The following MAFA variants were observed in gnomAD, a reference collection of about 807,000 sequenced individuals.
MAFA encodes transcription factor MafA.
For synonymous variants in MAFA, 244 were observed against 260.3 expected, an observed-to-expected ratio of 0.94 and a Z score of 0.60; for missense variants, 547 against 538.0, an observed-to-expected ratio of 1.02 and a Z score of -0.16.
Position 143,429,429 on chromosome 8 carries a change from C to T in MAFA, c.978G>A (p.Ala326=), listed in dbSNP as rs916598913. Residue 326 remains alanine (A), a synonymous_variant, in exon 1 of 1, where the codon GCG becomes GCA. Coordinates refer to ENST00000333480, the MANE Select transcript of MAFA (RefSeq NM_201589.4). The surrounding 1 kb of genome is among the most constrained non-coding windows in gnomAD (Gnocchi z 5.9). ...KLAGRGGPGS[A]GGAGFPREPS... ...GCTCCCGCGGGAAACCGGCCCCGCC[C>T]GCGCTCCCGGGGCCGCCCCGGCCCG... 6 of 1,544,942 alleles carry T rather than the reference C, an allele frequency of 3.9e-6. No homozygotes were observed. The African/African-American group carries it at 8.5e-5, about 22-fold the overall frequency.
Position 143,430,402 on chromosome 8 carries a change from G to T in MAFA, c.5C>A (p.Ala2Asp). The change falls in exon 1 of 1, where the codon GCC becomes GAC. Residue 2 changes from alanine to aspartate, a missense_variant. By Grantham distance (126) the Ala-to-Asp change is moderately radical. Transcript: ENST00000333480. ...CTCGGCGCCCATCGCCAGCTCCGCG[G>T]CCATCGCCCGGGGCCCGCGCCCGGC... Reference protein sequence around the residue: MAAELAMGAELP... With the variant: MDAELAMGAELP... 1 of 1,322,540 alleles carries T rather than the reference G, an allele frequency of 7.6e-7. No individual in the cohort carries two copies. The highest frequency in any genetic ancestry group is 9.8e-7 in the Non-Finnish European group (1 of 1,021,714). 81.9% of individuals were successfully genotyped at this position (1,322,540 alleles called of 1,614,324 possible).
rs1461139363 is a variant in MAFA at position 143,430,159 on chromosome 8, C to T, written c.248G>A (p.Gly83Asp). Residue 83 changes from glycine to aspartate, a missense_variant, in exon 1 of 1, where the codon GGC becomes GAC. By Grantham distance (94) the Gly-to-Asp change is moderately conservative. Transcript: ENST00000333480. Reference protein sequence around the residue: ...PGTGGGGGAGGGGGSSQAGGA... With the variant: ...PGTGGGGGAGDGGGSSQAGGA... ...CCCGGCCTGAGACGAGCCGCCGCCG[C>T]CCCCCGCGCCGCCGCCGCCGCCGGT... is the stretch of plus-strand genomic sequence containing the variant. 2.7e-6 allele frequency: 3 copies of T among 1,098,192 alleles called. No individual in the cohort carries two copies. In the African/African-American group the frequency reaches 5.3e-5, roughly 20 times the overall value. 68.0% of individuals were successfully genotyped at this position (1,098,192 alleles called of 1,614,324 possible).
In MAFA at chr8:143,429,515, G is replaced by C. The variant is rs1377947685; in HGVS notation, c.892C>G (p.Leu298Val). ...TCTTTGGCCAGGCGCCCCACCTCCA[G>C]CTTCAGCTGCTCCACCTGGCTCTGG... Reference protein sequence around the residue: ...QLQSQVEQLKLEVGRLAKERD... With the variant: ...QLQSQVEQLKVEVGRLAKERD... Residue 298 changes from leucine (L) to valine (V), a missense_variant, in exon 1 of 1, where the codon CTG becomes GTG. Physicochemically the swap from Leu to Val is conservative, Grantham distance 32 (BLOSUM62 1). Transcript: ENST00000333480. The surrounding 1 kb of genome is among the most constrained non-coding windows in gnomAD (Gnocchi z 5.9). 2 of 1,605,544 alleles carry C rather than the reference G, an allele frequency of 1.2e-6. No homozygotes were observed. The highest frequency in any genetic ancestry group is 1.7e-4 in the Middle Eastern group (1 of 6,042).
Position 143,430,259 on chromosome 8 carries a change from G to A in MAFA, c.148C>T (p.Leu50=). 2.1e-6 allele frequency: 3 copies of A among 1,442,722 alleles called. No homozygotes were observed. The highest frequency in any genetic ancestry group is 2.8e-6 in the Non-Finnish European group (3 of 1,084,866). 89.4% of individuals were successfully genotyped at this position (1,442,722 alleles called of 1,614,324 possible). A position where few individuals can be genotyped will look rare whatever the true frequency, so the allele number is the denominator to read the frequency against. The change falls in exon 1 of 1, where the codon CTG becomes TTG. Residue 50 remains leucine, a synonymous_variant. Transcript: ENST00000333480. ...GGCGTGCTGAGCGGCGTCGAGGACAGCGAGCCTGGCGGCAGGCGGTGGCAG... is the reference window on the plus strand; with the variant it reads ...GGCGTGCTGAGCGGCGTCGAGGACAACGAGCCTGGCGGCAGGCGGTGGCAG... The part of the protein sequence containing the change: ...RFCHRLPPGS[L]SSTPLSTPCS...
chr8:143,430,144 G>A lies in MAFA; in HGVS notation c.263C>T (p.Ser88Phe). Residue 88 changes from serine to phenylalanine, a missense_variant, in exon 1 of 1, where the codon TCT becomes TTT. Physicochemically the swap from Ser to Phe is radical, Grantham distance 155. Coordinates refer to ENST00000333480, the MANE Select transcript of MAFA (RefSeq NM_201589.4). ...GGGAGGGGGS[S>F]QAGGAPGPPS... Reference sequence around the variant, plus strand: ...CGGCCCGGGGGCGCCCCCGGCCTGAGACGAGCCGCCGCCGCCCCCCGCGCC... The same window carrying A: ...CGGCCCGGGGGCGCCCCCGGCCTGAAACGAGCCGCCGCCGCCCCCCGCGCC... 1 of 1,095,526 alleles carries A rather than the reference G, an allele frequency of 9.1e-7. No individual in the cohort carries two copies. Among genetic ancestry groups the A allele is most frequent in the Non-Finnish European group, 1.1e-6 (1 of 908,304 alleles). The allele number at this position is 1,095,526 out of a possible 1,614,324, so 67.9% of individuals were successfully genotyped here.
rs780402901 is a variant in MAFA at position 143,430,113 on chromosome 8, G to A, written c.294C>T (p.Ser98=). 3.5e-6 allele frequency: 4 copies of A among 1,127,568 alleles called. No individual in the cohort carries two copies. The East Asian group carries it at 1.5e-4, about 41-fold the overall frequency. 69.8% of individuals were successfully genotyped at this position (1,127,568 alleles called of 1,614,324 possible). The change falls in exon 1 of 1, where the codon AGC becomes AGT. Residue 98 remains serine (S), a synonymous_variant. Transcript: ENST00000333480. ...SQAGGAPGPP[S]GGPGAVGGTS... ...TGCCCCCGACGGCGCCGGGGCCCCCGCTCGGCGGCCCGGGGGCGCCCCCGG... is the reference window on the plus strand; with the variant it reads ...TGCCCCCGACGGCGCCGGGGCCCCCACTCGGCGGCCCGGGGGCGCCCCCGG...
Position 143,429,847 on chromosome 8 carries a change from C to A in MAFA, c.560G>T (p.Gly187Val). 7.1e-7 allele frequency: 1 copy of A among 1,404,104 alleles called. No homozygotes were observed. Among genetic ancestry groups the A allele is most frequent in the Non-Finnish European group, 9.2e-7 (1 of 1,085,714 alleles). The allele number at this position is 1,404,104 out of a possible 1,614,324, so 87.0% of individuals were successfully genotyped here. ...ADDMGAGHHHGAHHAAHHHHA... is the reference protein window; with the variant it reads ...ADDMGAGHHHVAHHAAHHHHA... Reference sequence around the variant, plus strand: ...GTGATGGTGGGCGGCGTGGTGCGCGCCGTGGTGGTGGCCGGCGCCCATGTC... The same window carrying A: ...GTGATGGTGGGCGGCGTGGTGCGCGACGTGGTGGTGGCCGGCGCCCATGTC... The change falls in exon 1 of 1, where the codon GGC becomes GTC. Residue 187 changes from glycine (G) to valine (V), a missense_variant. Physicochemically the swap from Gly to Val is moderately radical, Grantham distance 109 (BLOSUM62 -3). Coordinates refer to ENST00000333480, the MANE Select transcript of MAFA (RefSeq NM_201589.4). This position sits in a 1 kb window ranked among gnomAD's most constrained non-coding sequence, Gnocchi z 5.9.
Position 143,429,960 on chromosome 8 carries a change from G to A in MAFA, c.447C>T (p.Gly149=). ...VEALIGSGHH[G]AHHGAHHPAA... is the part of the protein sequence containing the mutation. The stretch of plus-strand genomic sequence containing the variant: ...CCGGGTGGTGCGCGCCGTGGTGCGC[G>A]CCGTGGTGGCCGCTGCCGATGAGCG... Residue 149 remains glycine, a synonymous_variant, in exon 1 of 1, where the codon GGC becomes GGT. Transcript: ENST00000333480. This position sits in a 1 kb window ranked among gnomAD's most constrained non-coding sequence, Gnocchi z 5.9. The A allele has an allele frequency of 7.8e-7, 1 of 1,284,610 alleles. No homozygotes were observed. Among genetic ancestry groups the A allele is most frequent in the South Asian group, 2.1e-5 (1 of 46,606 alleles). The allele number at this position is 1,284,610 out of a possible 1,614,324, so 79.6% of individuals were successfully genotyped here.
In MAFA at chr8:143,429,980, T is replaced by G; in HGVS notation, c.427A>C (p.Ile143Leu). 1 of 1,312,526 alleles carries G rather than the reference T, an allele frequency of 7.6e-7. No homozygotes were observed. The allele number at this position is 1,312,526 out of a possible 1,614,324, so 81.3% of individuals were successfully genotyped here. A position where few individuals can be genotyped will look rare whatever the true frequency, so the allele number is the denominator to read the frequency against. Residue 143 changes from isoleucine to leucine, a missense_variant, in exon 1 of 1, where the codon ATC (isoleucine) becomes CTC (leucine). Transcript: ENST00000333480. This position sits in a 1 kb window ranked among gnomAD's most constrained non-coding sequence, Gnocchi z 5.9. The part of the protein sequence containing the change: ...LTPEDAVEAL[I>L]GSGHHGAHHG... ...TGCGCGCCGTGGTGGCCGCTGCCGA[T>G]GAGCGCCTCCACCGCGTCCTCGGGC...
Position 143,429,542 on chromosome 8 carries a change from G to C in MAFA, c.865C>G (p.Leu289Val). ...TTCAGCTGCTCCACCTGGCTCTGGA[G>C]TTGGCACTTCTCGCTCTCCAGAATG... ...RHILESEKCQ[L>V]QSQVEQLKLE... The change falls in exon 1 of 1, where the codon CTC becomes GTC. Residue 289 changes from leucine (L) to valine (V), a missense_variant. Coordinates refer to ENST00000333480, the MANE Select transcript of MAFA (RefSeq NM_201589.4). This position sits in a 1 kb window ranked among gnomAD's most constrained non-coding sequence, Gnocchi z 5.9. The C allele has an allele frequency of 6.2e-7, 1 of 1,605,616 alleles. No individual in the cohort carries two copies. Among genetic ancestry groups the C allele is most frequent in the Non-Finnish European group, 8.5e-7 (1 of 1,179,582 alleles).
chr8:143,429,954 G>C lies in MAFA; in HGVS notation c.453C>G (p.His151Gln), dbSNP rs1322582706. Residue 151 changes from histidine to glutamine, a missense_variant, in exon 1 of 1, where the codon CAC becomes CAG. Physicochemically the swap from His to Gln is conservative, Grantham distance 24. Coordinates refer to ENST00000333480, the MANE Select transcript of MAFA (RefSeq NM_201589.4). The surrounding 1 kb of genome is among the most constrained non-coding windows in gnomAD (Gnocchi z 5.9). ...CGGCCGCCGGGTGGTGCGCGCCGTG[G>C]TGCGCGCCGTGGTGGCCGCTGCCGA... ...ALIGSGHHGA[H>Q]HGAHHPAAAA... The C allele has an allele frequency of 8.6e-6, 11 of 1,276,296 alleles. No individual in the cohort carries two copies. The Admixed American group carries it at 1.6e-4, about 18-fold the overall frequency. The allele number at this position is 1,276,296 out of a possible 1,614,324, so 79.1% of individuals were successfully genotyped here. A position where few individuals can be genotyped will look rare whatever the true frequency, so the allele number is the denominator to read the frequency against.
In MAFA at chr8:143,430,125, G is replaced by T; in HGVS notation, c.282C>A (p.Pro94=). Residue 94 remains proline, a synonymous_variant, in exon 1 of 1, where the codon CCC becomes CCA. Transcript: ENST00000333480. ...CGCCGGGGCCCCCGCTCGGCGGCCC[G>T]GGGGCGCCCCCGGCCTGAGACGAGC... ...GGGSSQAGGA[P]GPPSGGPGAV... is the part of the protein sequence containing the mutation. The T allele has an allele frequency of 2.7e-6, 3 of 1,092,022 alleles. No individual in the cohort carries two copies. Among genetic ancestry groups the T allele is most frequent in the Non-Finnish European group, 3.3e-6 (3 of 900,334 alleles). The allele number at this position is 1,092,022 out of a possible 1,614,324, so 67.6% of individuals were successfully genotyped here.
Position 143,429,485 on chromosome 8 carries a change from C to T in MAFA, c.922G>A (p.Asp308Asn). Residue 308 changes from aspartate (D) to asparagine (N), a missense_variant, in exon 1 of 1, where the codon GAC (aspartate) becomes AAC (asparagine). Coordinates refer to ENST00000333480, the MANE Select transcript of MAFA (RefSeq NM_201589.4). The surrounding 1 kb of genome is among the most constrained non-coding windows in gnomAD (Gnocchi z 5.9). ...TTCTCGTATTTCTCCTTGTACAGGT[C>T]CCGCTCTTTGGCCAGGCGCCCCACC... ...LEVGRLAKERDLYKEKYEKLA... is the reference protein window; with the variant it reads ...LEVGRLAKERNLYKEKYEKLA... 1 of 1,604,234 alleles carries T rather than the reference C, an allele frequency of 6.2e-7. No individual in the cohort carries two copies. Among genetic ancestry groups the T allele is most frequent in the Non-Finnish European group, 8.5e-7 (1 of 1,179,292 alleles).
rs1005037065 is a variant in MAFA, at chr8:143,428,854, T to C, written c.*491A>G. On this transcript the variant is annotated 3_prime_UTR_variant, in exon 1 of 1. Transcript: ENST00000333480. The stretch of plus-strand genomic sequence containing the variant: ...AGGGGCTTCCTCCAAGGTTTTCTTT[T>C]CTAATCACCAAGCATAATAATTATA... 6.6e-6 allele frequency: 1 copy of C among 152,178 alleles called. No homozygotes were observed. Among genetic ancestry groups the C allele is most frequent in the African/African-American group, 2.4e-5 (1 of 41,422 alleles). The allele number at this position is 152,178 out of a possible 1,614,324, so 9.4% of individuals were successfully genotyped here.
In MAFA at chr8:143,430,162, CCCGCGCCGCCGCCGCCG is replaced by C; in HGVS notation, c.228_244del (p.Gly78ArgfsTer353). 1 of 1,101,626 alleles carries C rather than the reference CCCGCGCCGCCGCCGCCG, an allele frequency of 9.1e-7. No homozygotes were observed. The highest frequency in any genetic ancestry group is 3.4e-5 in the South Asian group (1 of 29,572). The allele number at this position is 1,101,626 out of a possible 1,614,324, so 68.2% of individuals were successfully genotyped here. ...GGCCTGAGACGAGCCGCCGCCGCCCCCCGCGCCGCCGCCGCCGCCGGTGCCCGGGCTGGGCGCGCAGA... is the reference window on the plus strand; with the variant it reads ...GGCCTGAGACGAGCCGCCGCCGCCCCCCGGTGCCCGGGCTGGGCGCGCAGA... On this transcript the variant is annotated frameshift_variant, in exon 1 of 1. Transcript: ENST00000333480. LOFTEE classifies it low-confidence loss of function (END_TRUNC).
chr8:143,430,491 C>G lies in MAFA; in HGVS notation c.-85G>C, dbSNP rs1819524654. On this transcript the variant is annotated 5_prime_UTR_variant, in exon 1 of 1. Coordinates refer to ENST00000333480, the MANE Select transcript of MAFA (RefSeq NM_201589.4). ...GCAGGCCTCTCCCCCCCCTGCTCCC[C>G]GCGGGCGGCGGTCCCGGCGGGGGCG... 6.3e-6 allele frequency: 2 copies of G among 318,170 alleles called. No individual in the cohort carries two copies. Among genetic ancestry groups the G allele is most frequent in the African/African-American group, 5.1e-5 (2 of 39,194 alleles). 19.7% of individuals were successfully genotyped at this position (318,170 alleles called of 1,614,324 possible).
chr8:143,430,703 C>T lies in MAFA; in HGVS notation c.-297G>A, dbSNP rs1819529225. Among the ~76,000 whole-genome samples the T allele has an allele frequency of 6.7e-6, 1 of 149,304 alleles. No individual in the cohort carries two copies. The highest frequency in any genetic ancestry group is 1.5e-5 in the Non-Finnish European group (1 of 67,096). ...CGGGACCGCTCCCGCGCCCCACCCG[C>T]GCCGCCGGCCGGCCCCGCCTCCCAC... is the stretch of plus-strand genomic sequence containing the variant. On this transcript the variant is annotated 5_prime_UTR_variant, in exon 1 of 1. Transcript: ENST00000333480.
rs1289856482 is a variant in MAFA at position 143,429,716 on chromosome 8, G to A, written c.691C>T (p.Gln231Ter). 5 of 1,559,692 alleles carry A rather than the reference G, an allele frequency of 3.2e-6. No homozygotes were observed. The highest frequency in any genetic ancestry group is 4.3e-6 in the Non-Finnish European group (5 of 1,160,096). Residue 231 changes from glutamine to a stop codon, truncating the protein, a stop_gained, in exon 1 of 1, where the codon CAG becomes TAG. Transcript: ENST00000333480. LOFTEE classifies it low-confidence loss of function (END_TRUNC). The surrounding 1 kb of genome is among the most constrained non-coding windows in gnomAD (Gnocchi z 5.9). ...VRLEERFSDD[Q>*]LVSMSVRELN... ...TCGCGCACCGACATGGACACCAGCT[G>A]GTCGTCGGAGAAGCGCTCCTCCAGG...
In MAFA at chr8:143,428,398, A is replaced by G. The variant is rs1819481198; in HGVS notation, c.*947T>C. The stretch of plus-strand genomic sequence containing the variant: ...AAAACGAAACACAATTTAAATTAAA[A>G]TAAAAACACTTTCTCCACCCGCCCC... On this transcript the variant is annotated 3_prime_UTR_variant, in exon 1 of 1. Transcript: ENST00000333480. The G allele has an allele frequency of 6.6e-6, 1 of 152,268 alleles. No homozygotes were observed. Among genetic ancestry groups the G allele is most frequent in the South Asian group, 2.1e-4 (1 of 4,834 alleles). 9.4% of individuals were successfully genotyped at this position (152,268 alleles called of 1,614,324 possible).
Sources: allele counts gnomAD v4.1 joint callset (sites outside exome capture counted in the v4.1 genomes callset), GRCh38; gene constraint gnomAD v4.1.1; non-coding constraint Gnocchi (gnomAD v3.1); transcripts MANE v1.5; gene names NCBI Gene and HGNC (gene_info 2026-07-23, HGNC 2026-07-21).